The following IL1RAPL1 variants were observed in gnomAD, a reference collection of about 807,000 sequenced individuals.
The protein encoded by IL1RAPL1 is interleukin-1 receptor accessory protein-like 1.
Under a neutral mutation model 48.4 loss-of-function variants are expected in IL1RAPL1, and 3 were observed. The observed-to-expected ratio is 0.06, with a 90% CI of 0.03 to 0.16. The LOEUF is 0.16. Among genes scored for constraint, IL1RAPL1 ranks in the 10% least tolerant of loss-of-function variants. IL1RAPL1 has a pLI of 1.00. For synonymous variants in IL1RAPL1, 185 were observed against 187.7 expected (o/e 0.99, Z 0.12); for missense variants, 349 against 530.6 (o/e 0.66, Z 3.36).
chrX:28,921,430 C>A (rs1327726993), intron 2 of IL1RAPL1, among the ~76,000 whole-genome samples: 1 of 111,831 alleles, frequency 8.9e-6, no homozygotes, highest in Non-Finnish European at 1.9e-5. Context: ...AAATTAAACT[C>A]AAAAATGTTT....
intron 2 of IL1RAPL1, among the ~76,000 whole-genome samples, chrX:29,046,442 C>A (rs760794017): frequency 9.0e-6 from 1 of 111,403 alleles, no homozygotes; most frequent in Non-Finnish European, 1.9e-5. Flanking sequence ...TTATTAAGCA[C>A]TCATTGTATG....
chrX:28,751,159 C>T (rs997785827), intron 1 of IL1RAPL1, among the ~76,000 whole-genome samples: 2 of 111,423 alleles, frequency 1.8e-5, no homozygotes, highest in African/African-American at 6.5e-5. Context: ...GTTTTATTCT[C>T]CCAGAGATCT....
chrX:29,682,777 A>G (rs1420526885), intron 6 of IL1RAPL1, among the ~76,000 whole-genome samples: 7 of 112,313 alleles, frequency 6.2e-5, no homozygotes. Flanking sequence ...TTAGTAGCAT[A>G]TACTGCAGAG....
At chrX:29,392,185 C>T (rs1390298573) in intron 3 of IL1RAPL1, among the ~76,000 whole-genome samples, 4 of 112,209 alleles carry the variant, frequency 3.6e-5, no homozygotes, top group Non-Finnish European at 7.5e-5. Flanking sequence ...AACCAGTAAT[C>T]ATGATTTAAG....
chrX:28,843,189 G>GA (rs951104124), intron 2 of IL1RAPL1, among the ~76,000 whole-genome samples: 29 of 110,748 alleles, frequency 2.6e-4, no homozygotes, highest in Non-Finnish European at 4.9e-4. Flanking sequence ...ATACCATAAA[G>GA]AAAAAATGTG....
chrX:29,674,821 T>C lies in IL1RAPL1; in HGVS notation c.778+6317T>C, dbSNP rs1166733983. 6.3e-5 allele frequency among the ~76,000 whole-genome samples: 7 copies of C among 111,926 alleles called. No homozygotes were observed. The Admixed American group carries it at 6.6e-4, about 11-fold the overall frequency. On this transcript the variant is annotated intron_variant, in intron 6 of 10. Coordinates refer to ENST00000378993, the MANE Select transcript of IL1RAPL1 (RefSeq NM_014271.4). ...ACTTATAAGTGAGAACATGCAGTAT[T>C]TGGTTTTCTGTTCCTGCATTAGTTT...
chrX:29,724,270 T>C (rs887176477), intron 6 of IL1RAPL1, among the ~76,000 whole-genome samples: 2 of 111,642 alleles, frequency 1.8e-5, no homozygotes, highest in African/African-American at 6.5e-5. Flanking sequence ...CCCTGACAGA[T>C]GCCTAAGGGC....
At chrX:29,047,496 T>TA (rs1244265360) in intron 2 of IL1RAPL1, among the ~76,000 whole-genome samples, 1 of 112,416 alleles carries the variant, frequency 8.9e-6, no homozygotes. Flanking sequence ...TCTGTTAAGA[T>TA]AAACCTCTTG....
rs777842619 is a variant in IL1RAPL1 at position 29,933,112 on chromosome X, C to T, written c.1058-8539C>T. Reference sequence around the variant, plus strand: ...AGAAACCAAACACCACATGTTCTCACTCATAAGTGGGAGTAGAACAATGAG... The same window carrying T: ...AGAAACCAAACACCACATGTTCTCATTCATAAGTGGGAGTAGAACAATGAG... On this transcript the variant is annotated intron_variant, in intron 8 of 10. Coordinates refer to ENST00000378993, the MANE Select transcript of IL1RAPL1 (RefSeq NM_014271.4). 3.6e-5 allele frequency among the ~76,000 whole-genome samples: 4 copies of T among 111,086 alleles called. No individual in the cohort carries two copies. In the East Asian group the frequency reaches 1.1e-3, roughly 31 times the overall value.
At chrX:29,800,965 A>G in intron 6 of IL1RAPL1, among the ~76,000 whole-genome samples, 1 of 89,304 alleles carries the variant, frequency 1.1e-5, no homozygotes, top group Non-Finnish European at 2.1e-5. Flanking sequence ...GCACCGTTGC[A>G]CTCCAGCCTG....
intron 5 of IL1RAPL1, among the ~76,000 whole-genome samples, chrX:29,534,270 C>G (rs1204820942): frequency 8.9e-6 from 1 of 111,813 alleles, no homozygotes; most frequent in African/African-American, 3.3e-5. Context: ...TACGAGCCCT[C>G]TGTTAAAACT....
intron 2 of IL1RAPL1, among the ~76,000 whole-genome samples, chrX:29,183,489 T>C (rs1930187536): frequency 9.0e-6 from 1 of 111,387 alleles, no homozygotes; most frequent in Non-Finnish European, 1.9e-5. Flanking sequence ...TGACTTTGAC[T>C]GACAAACCCC....
At chrX:29,201,274 ATTTAT>A (rs760968615) in intron 2 of IL1RAPL1, among the ~76,000 whole-genome samples, 3 of 111,992 alleles carry the variant, frequency 2.7e-5, no homozygotes, top group Admixed American at 9.5e-5. Flanking sequence ...TTTCAAGTAC[ATTTAT>A]ATTTATTATT....
chrX:29,744,205 G>A (rs1479593594), intron 6 of IL1RAPL1, among the ~76,000 whole-genome samples: 1 of 111,784 alleles, frequency 8.9e-6, no homozygotes, highest in Non-Finnish European at 1.9e-5. Flanking sequence ...GTTTTCTATC[G>A]AAACTCAGGG....
intron 6 of IL1RAPL1, among the ~76,000 whole-genome samples, chrX:29,698,763 T>C (rs1201429606): frequency 2.7e-5 from 3 of 112,348 alleles, no homozygotes; most frequent in African/African-American, 9.7e-5. Flanking sequence ...TTCTAAACCT[T>C]GGCTTTCGTC....
intron 3 of IL1RAPL1, among the ~76,000 whole-genome samples, chrX:29,359,485 C>T (rs755595042): frequency 4.1e-4 from 46 of 112,362 alleles, no homozygotes; most frequent in Admixed American, 3.4e-3. Context: ...ATACCAGGAT[C>T]GTCTGCCAAA....
chrX:29,475,897 T>G (rs1356349134), intron 5 of IL1RAPL1, among the ~76,000 whole-genome samples: 7 of 110,899 alleles, frequency 6.3e-5, no homozygotes, highest in Non-Finnish European at 1.3e-4. Flanking sequence ...GATGGAGACT[T>G]ACATATAACA....
chrX:29,645,718 G>T (rs1316514563), intron 5 of IL1RAPL1, among the ~76,000 whole-genome samples: 2 of 111,751 alleles, frequency 1.8e-5, no homozygotes, highest in African/African-American at 6.5e-5. Flanking sequence ...ATGCCCCAGG[G>T]CTGTGCTAGC....
chrX:29,786,381 A>G (rs1929499600), intron 6 of IL1RAPL1, among the ~76,000 whole-genome samples: 1 of 111,395 alleles, frequency 9.0e-6, no homozygotes, highest in Non-Finnish European at 1.9e-5. Context: ...GGTAGAAGAA[A>G]GAGTGAATGC....
Sources: allele counts gnomAD v4.1 joint callset (sites outside exome capture counted in the v4.1 genomes callset), GRCh38; gene constraint gnomAD v4.1.1; transcripts MANE v1.5; gene names NCBI Gene and HGNC (gene_info 2026-07-23, HGNC 2026-07-21).